The following B4GALNT3 variants were observed in gnomAD, a reference collection of about 807,000 sequenced individuals.
The protein encoded by B4GALNT3 is beta-1,4-N-acetyl-galactosaminyltransferase 3.
Under a neutral mutation model 120.2 loss-of-function variants are expected in B4GALNT3, and 86 were observed. That is an observed-to-expected ratio of 0.72 (90% confidence interval 0.60 to 0.86). B4GALNT3 has a LOEUF of 0.86. Ranked by LOEUF, B4GALNT3 falls within the 40% of genes least tolerant of loss-of-function variation. B4GALNT3 has a pLI of 0.00. For missense variants in B4GALNT3, 1,167 were observed against 1,298.9 expected (o/e 0.90, Z 1.56); for synonymous variants, 518 against 510.4 (o/e 1.01, Z -0.20).
At chr12:474,587 G>C (rs1946166263) in intron 1 of B4GALNT3, among the ~76,000 whole-genome samples, 1 of 152,178 alleles carries the variant, frequency 6.6e-6, no homozygotes. Context: ...GGGAGACTAA[G>C]GTAGGAGGAT....
chr12:536,108 C>G, intron 2 of B4GALNT3, 110 bp from the exon 3 acceptor site: 1 of 783,624 alleles, frequency 1.3e-6, no homozygotes, highest in Non-Finnish European at 2.3e-6. Context: ...TGACAGACGG[C>G]AGCGTGCTCC....
At chr12:560,474 A>G (rs192263098) in intron 19 of B4GALNT3, among the ~76,000 whole-genome samples, 4 of 152,280 alleles carry the variant, frequency 2.6e-5, no homozygotes, top group Non-Finnish European at 4.4e-5. Context: ...ACTTGCCCCA[A>G]ATCTCACTCA....
chr12:514,553 G>A (rs1252043225), intron 1 of B4GALNT3, among the ~76,000 whole-genome samples: 1 of 152,118 alleles, frequency 6.6e-6, no homozygotes, highest in African/African-American at 2.4e-5. Flanking sequence ...AAGGAGGAAG[G>A]CATGGAAGGT....
In B4GALNT3 at chr12:543,075, C is replaced by T. The variant is rs185520506; in HGVS notation, c.352-1264C>T. ...CAGCTATTCTGTCACAACCATTGTCCCCGTTGCCTGGGGAATGAACACCAG... is the reference window on the plus strand; with the variant it reads ...CAGCTATTCTGTCACAACCATTGTCTCCGTTGCCTGGGGAATGAACACCAG... On this transcript the variant is annotated intron_variant, in intron 3 of 19. Coordinates refer to ENST00000266383, the MANE Select transcript of B4GALNT3 (RefSeq NM_173593.4). 15 of 1,271,896 alleles carry T rather than the reference C, an allele frequency of 1.2e-5. No individual in the cohort carries two copies. The East Asian group carries it at 7.3e-4, about 62-fold the overall frequency. The allele number at this position is 1,271,896 out of a possible 1,614,324, so 78.8% of individuals were successfully genotyped here. A position where few individuals can be genotyped will look rare whatever the true frequency, so the allele number is the denominator to read the frequency against.
chr12:551,288 G>A (rs1229887005), intron 11 of B4GALNT3, among the ~76,000 whole-genome samples: 3 of 152,190 alleles, frequency 2.0e-5, no homozygotes, highest in Middle Eastern at 3.2e-3. Context: ...GCCCAGCCCC[G>A]TGATGATATC....
At chr12:518,512 A>G (rs570323588) in intron 1 of B4GALNT3, among the ~76,000 whole-genome samples, 1 of 152,246 alleles carries the variant, frequency 6.6e-6, no homozygotes, top group East Asian at 1.9e-4. Context: ...CAGGGACTCA[A>G]GCAGTCCTCC....
intron 1 of B4GALNT3, among the ~76,000 whole-genome samples, chr12:464,589 A>G (rs1018135036): frequency 6.6e-6 from 1 of 151,840 alleles, no homozygotes; most frequent in African/African-American, 2.4e-5. Context: ...CTGAGATTGC[A>G]CCACTGTACT....
chr12:552,529 G>A lies in B4GALNT3; in HGVS notation c.1270+1G>A. 6.2e-7 allele frequency: 1 copy of A among 1,613,454 alleles called. No homozygotes were observed. Among genetic ancestry groups the A allele is most frequent in the Non-Finnish European group, 8.5e-7 (1 of 1,179,778 alleles). ...GAGAAGCAGGGGCTGGAGCAGCCAG[G>A]TACAGAGTGACAGCTGAGGCTTCCA... On this transcript the variant is annotated splice_donor_variant, in intron 13 of 19. Transcript: ENST00000266383. LOFTEE classifies it high-confidence loss of function.
chr12:507,847 C>A (rs1307506862), intron 1 of B4GALNT3, among the ~76,000 whole-genome samples: 2 of 141,086 alleles, frequency 1.4e-5, no homozygotes. Context: ...TTGGTGGACA[C>A]CTGCCCCTGG....
intron 9 of B4GALNT3, among the ~76,000 whole-genome samples, chr12:549,057 T>C (rs560542570): frequency 1.3e-5 from 2 of 152,316 alleles, no homozygotes; most frequent in South Asian, 4.1e-4. Flanking sequence ...CTTTCTTCAA[T>C]GGCATTTTCC....
At chr12:498,048 C>T (rs1445633825) in intron 1 of B4GALNT3, among the ~76,000 whole-genome samples, 1 of 152,024 alleles carries the variant, frequency 6.6e-6, no homozygotes, top group Middle Eastern at 3.2e-3. Context: ...AATAAACAAA[C>T]CTTCCTCTAC....
At chr12:556,488 C>T (rs1048128528) in intron 14 of B4GALNT3, 59 bp from the exon 15 acceptor site, 82 of 1,488,484 alleles carry the variant, frequency 5.5e-5, no homozygotes, top group African/African-American at 1.9e-4. Flanking sequence ...TCTCACACAC[C>T]GTGCTACCCT....
rs1033835230 is a variant in B4GALNT3 at position 482,745 on chromosome 12, C to T, written c.169+22200C>T. On this transcript the variant is annotated intron_variant, in intron 1 of 19. Coordinates refer to ENST00000266383, the MANE Select transcript of B4GALNT3 (RefSeq NM_173593.4). ...GCACCGTGGCACACACCTATAGTTCCGGCTACTCAGGAGGCTAAGGTGAGA... is the reference window on the plus strand; with the variant it reads ...GCACCGTGGCACACACCTATAGTTCTGGCTACTCAGGAGGCTAAGGTGAGA... 2.6e-5 allele frequency among the ~76,000 whole-genome samples: 4 copies of T among 152,194 alleles called. No individual in the cohort carries two copies. The South Asian group carries it at 6.2e-4, about 24-fold the overall frequency.
At chr12:549,630 G>A in intron 9 of B4GALNT3, 139 bp from the exon 10 acceptor site, 2 of 1,087,632 alleles carry the variant, frequency 1.8e-6, no homozygotes, top group Non-Finnish European at 2.6e-6. Context: ...GGGCCAGAGG[G>A]AGTGTGGCTG....
chr12:554,589 G>T (rs1592057729), intron 14 of B4GALNT3, among the ~76,000 whole-genome samples: 1 of 151,596 alleles, frequency 6.6e-6, no homozygotes, highest in South Asian at 2.1e-4. Context: ...AGGAGATCGA[G>T]ACCATCCTGG....
intron 1 of B4GALNT3, among the ~76,000 whole-genome samples, chr12:511,406 TCCTTCCACCTTCCA>T (rs143525841): frequency 2.8e-5 from 2 of 70,816 alleles, no homozygotes; most frequent in Middle Eastern, 6.6e-3. Flanking sequence ...TCTTCCACCT[TCCTTCCACCTTCCA>T]CCTTCCACCT....
chr12:540,074 T>C (rs1183013049), intron 3 of B4GALNT3, among the ~76,000 whole-genome samples: 1 of 152,138 alleles, frequency 6.6e-6, no homozygotes, highest in African/African-American at 2.4e-5. Flanking sequence ...CAGGTACCCT[T>C]GGTCTTGCGA....
chr12:520,134 G>A (rs1328970603), intron 1 of B4GALNT3, among the ~76,000 whole-genome samples: 1 of 152,212 alleles, frequency 6.6e-6, no homozygotes, highest in Non-Finnish European at 1.5e-5. Context: ...ATTGCTGGGG[G>A]TTAGGGGCAA....
intron 1 of B4GALNT3, among the ~76,000 whole-genome samples, chr12:506,593 C>A (rs548206604): frequency 5.3e-4 from 81 of 152,236 alleles, no homozygotes; most frequent in African/African-American, 1.9e-3. Flanking sequence ...TACACATACA[C>A]ATAGAGGCTC....
Sources: gnomAD v4.1 joint callset for allele counts (sites outside exome capture counted in the v4.1 genomes callset) on GRCh38, gnomAD v4.1.1 for gene constraint, MANE v1.5 for transcripts, NCBI Gene and HGNC (gene_info 2026-07-23, HGNC 2026-07-21) for gene names.